The following CROCC2 variants were observed in gnomAD, a reference collection of about 807,000 sequenced individuals.
The protein encoded by CROCC2 is ciliary rootlet coiled-coil protein 2.
Under a neutral mutation model 177.6 loss-of-function variants are expected in CROCC2, and 163 were observed. The observed-to-expected ratio is 0.92, with a 90% CI of 0.81 to 1.05. The LOEUF (loss-of-function observed/expected upper bound fraction) is 1.05. Among genes scored for constraint, CROCC2 ranks in the 50% least tolerant of loss-of-function variants. The pLI is 0.00. For missense variants in CROCC2, 1,929 were observed against 1,797.8 expected, an observed-to-expected ratio of 1.07 and a Z score of -1.32; for synonymous variants, 904 against 787.3, an observed-to-expected ratio of 1.15 and a Z score of -2.48.
rs1235694579 is a variant in CROCC2, at chr2:240,972,187, G to A, written c.4401+3925G>A. On this transcript the variant is annotated intron_variant, in intron 27 of 31. Transcript: ENST00000690015. The surrounding 1 kb of genome is among the most constrained non-coding windows in gnomAD (Gnocchi z 7.1). ...CCTCGTTTGAAGTTGGGAGTGGAGA[G>A]GAACCCATCAGGGACTTTATGTGTC... Among the ~76,000 whole-genome samples the A allele has an allele frequency of 6.6e-6, 1 of 152,190 alleles. No individual in the cohort carries two copies. Among genetic ancestry groups the A allele is most frequent in the Non-Finnish European group, 1.5e-5 (1 of 68,044 alleles).
At position 240,973,712 on chromosome 2, in the gene CROCC2, C is replaced by T. The variant is rs2059739145; in HGVS notation, c.4401+5450C>T. Among the ~76,000 whole-genome samples the T allele has an allele frequency of 6.6e-6, 1 of 152,232 alleles. No individual in the cohort carries two copies. Among genetic ancestry groups the T allele is most frequent in the Non-Finnish European group, 1.5e-5 (1 of 68,040 alleles). The stretch of plus-strand genomic sequence containing the variant: ...GGGGCCCACAAGGTGGACACTGAGC[C>T]ACAGTCAGACTTGATTACTCTCAGT... On this transcript the variant is annotated intron_variant, in intron 27 of 31. Transcript: ENST00000690015. This position sits in a 1 kb window ranked among gnomAD's most constrained non-coding sequence, Gnocchi z 4.7.
intron 4 of CROCC2, among the ~76,000 whole-genome samples, chr2:240,923,215 G>C (rs10933523): frequency 0.18 from 27,002 of 151,858 alleles, 2,583 homozygotes; most frequent in African/African-American, 0.2. Flanking sequence ...GAGTGGCAAA[G>C]AGAGACAGAG....
intron 20 of CROCC2, among the ~76,000 whole-genome samples, chr2:240,961,813 A>ACACACG (rs1231975443): frequency 0.18 from 4,817 of 27,516 alleles, 827 homozygotes; most frequent in Admixed American, 0.26. Context: ...ACACTCACAT[A>ACACACG]CACTCACACA....
chr2:240,989,557 A>C (rs1022617349), intron 29 of CROCC2, 97 bp from the exon 30 acceptor site: 102 of 1,249,352 alleles, frequency 8.2e-5, no homozygotes, highest in Non-Finnish European at 1.1e-4. Flanking sequence ...AGTGGGGCCC[A>C]CAAGGACAGG....
chr2:240,948,257 G>C (rs545022587), intron 15 of CROCC2, among the ~76,000 whole-genome samples: 26 of 152,050 alleles, frequency 1.7e-4, no homozygotes, highest in Admixed American at 4.6e-4. Context: ...TTCCCTCTGC[G>C]AGCCCTGGCG....
chr2:240,930,914 C>A lies in CROCC2; in HGVS notation c.750-17C>A. 1 of 697,880 alleles carries A rather than the reference C, an allele frequency of 1.4e-6. No homozygotes were observed. Among genetic ancestry groups the A allele is most frequent in the Admixed American group, 2.0e-5 (1 of 49,184 alleles). The allele number at this position is 697,880 out of a possible 1,614,324, so 43.2% of individuals were successfully genotyped here. ...ATGGGTCCTGAGTCCGCCACAGATG[C>A]TGCCCTTGTCTCCCAGGGGCCTCGC... is the stretch of plus-strand genomic sequence containing the variant. On this transcript the variant is annotated splice_polypyrimidine_tract_variant and intron_variant, in intron 6 of 31. Transcript: ENST00000690015.
chr2:240,941,066 A>C (rs1345048057), intron 14 of CROCC2, among the ~76,000 whole-genome samples: 1 of 152,176 alleles, frequency 6.6e-6, no homozygotes, highest in East Asian at 1.9e-4. Flanking sequence ...GAATCAAATC[A>C]AGAATTCAAC....
intron 15 of CROCC2, 58 bp from the exon 16 acceptor site, chr2:240,948,921 G>T: frequency 6.8e-7 from 1 of 1,477,284 alleles, no homozygotes; most frequent in South Asian, 1.2e-5. Context: ...GCTATAGAGA[G>T]CATTTTACAC....
intron 28 of CROCC2, among the ~76,000 whole-genome samples, chr2:240,985,618 T>G (rs1157596611): frequency 1.3e-4 from 7 of 54,560 alleles, no homozygotes; most frequent in African/African-American, 1.5e-4. Context: ...ACCCAGACAC[T>G]CACTCCACAC....
rs1457908272 is a variant in CROCC2 at position 240,934,406 on chromosome 2, G to A, written c.1722G>A (p.Leu574=). ...AGCTGGCATCGGTCCGGGAGGCACT[G>A]AGCACAGCACAGCTGCAGCGGGATG... is the stretch of plus-strand genomic sequence containing the variant. The part of the protein sequence containing the change: ...REELASVREA[L]STAQLQRDVV... Residue 574 remains leucine, a synonymous_variant, in exon 12 of 32, where the codon CTG becomes CTA. Coordinates refer to ENST00000690015, the MANE Select transcript of CROCC2 (RefSeq NM_001351305.2). 1 of 1,548,748 alleles carries A rather than the reference G, an allele frequency of 6.5e-7. No individual in the cohort carries two copies. Among genetic ancestry groups the A allele is most frequent in the Non-Finnish European group, 8.7e-7 (1 of 1,146,914 alleles).
intron 5 of CROCC2, among the ~76,000 whole-genome samples, chr2:240,927,252 G>A (rs917967407): frequency 3.3e-5 from 5 of 152,144 alleles, no homozygotes; most frequent in South Asian, 2.1e-4. Context: ...TTGTTGTGTC[G>A]TGTCCCTGTG....
intron 18 of CROCC2, chr2:240,950,908 C>CATTCACCCATCCATCCATTT (rs2059551042): frequency 1.7e-5 from 2 of 115,372 alleles, no homozygotes; most frequent in African/African-American, 6.9e-5. Flanking sequence ...TCCATCCATC[C>CATTCACCCATCCATCCATTT]ATCCAGCCAT....
At chr2:240,984,163 A>G (rs924083251) in intron 28 of CROCC2, among the ~76,000 whole-genome samples, 4 of 152,078 alleles carry the variant, frequency 2.6e-5, no homozygotes, top group African/African-American at 9.7e-5. Context: ...AGGTCAGACA[A>G]ACGTAGACCA....
rs1049676634 is a variant in CROCC2 at position 240,930,223 on chromosome 2, G to A, written c.703G>A (p.Val235Met). ...CCTCCTCCTCCTGTGGAGACAGGCC[G>A]TGGTGCTGGGGACAGACCTGGCCGA... Reference protein sequence around the residue: ...RDLLLLWRQAVVLGTDLAELR... With the variant: ...RDLLLLWRQAMVLGTDLAELR... Residue 235 changes from valine (V) to methionine (M), a missense_variant, in exon 6 of 32, where the codon GTG becomes ATG. Transcript: ENST00000690015. 11 of 599,892 alleles carry A rather than the reference G, an allele frequency of 1.8e-5. No individual in the cohort carries two copies. Among genetic ancestry groups the A allele is most frequent in the Middle Eastern group, 2.6e-4 (1 of 3,858 alleles). The allele number at this position is 599,892 out of a possible 1,614,324, so 37.2% of individuals were successfully genotyped here. A position where few individuals can be genotyped will look rare whatever the true frequency, so the allele number is the denominator to read the frequency against.
In CROCC2 at chr2:240,973,356, C is replaced by T. The variant is rs941204752; in HGVS notation, c.4401+5094C>T. Among the ~76,000 whole-genome samples, 14 of 152,188 alleles carry T rather than the reference C, an allele frequency of 9.2e-5. No individual in the cohort carries two copies. Among genetic ancestry groups the T allele is most frequent in the African/African-American group, 3.4e-4 (14 of 41,536 alleles). ...CAGCAGCAGTGCCCAAGTAGCTGGCCAGGTCTCTGAGCAGGCGGGAGGCCT... is the reference window on the plus strand; with the variant it reads ...CAGCAGCAGTGCCCAAGTAGCTGGCTAGGTCTCTGAGCAGGCGGGAGGCCT... On this transcript the variant is annotated intron_variant, in intron 27 of 31. Transcript: ENST00000690015. This position sits in a 1 kb window ranked among gnomAD's most constrained non-coding sequence, Gnocchi z 4.7.
chr2:240,993,020 TC>T, intron 31 of CROCC2, 45 bp from the exon 32 acceptor site: 1 of 714,570 alleles, frequency 1.4e-6, no homozygotes. Context: ...CCCCCATGTG[TC>T]CCCGGGAATG....
At position 240,960,928 on chromosome 2, in the gene CROCC2, AG is replaced by A. The variant is rs1433251249; in HGVS notation, c.3087+1489del. 1.8e-4 allele frequency among the ~76,000 whole-genome samples: 1 copy of A among 5,482 alleles called. No individual in the cohort carries two copies. The highest frequency in any genetic ancestry group is 7.3e-4 in the African/African-American group (1 of 1,372). The allele number at this position is 5,482 out of a possible 152,430, so 3.6% of individuals were successfully genotyped here. A position where few individuals can be genotyped will look rare whatever the true frequency, so the allele number is the denominator to read the frequency against. On this transcript the variant is annotated intron_variant, in intron 20 of 31. Transcript: ENST00000690015. The surrounding 1 kb of genome is among the most constrained non-coding windows in gnomAD (Gnocchi z 5.0). ...AACTGGGGGCAGCAGGGGGAGGGGGAGGGGGAGGTGTGGAGAGGGTGGGGGT... is the reference window on the plus strand; with the variant it reads ...AACTGGGGGCAGCAGGGGGAGGGGGAGGGGAGGTGTGGAGAGGGTGGGGGT...
chr2:240,912,909 C>G (rs12469764), intron 1 of CROCC2, among the ~76,000 whole-genome samples: 57,812 of 152,090 alleles, frequency 0.38, 11,547 homozygotes, highest in Admixed American at 0.47. Flanking sequence ...AGGGTCCCCA[C>G]CACGGGACAG....
rs543617771 is a variant in CROCC2, at chr2:240,906,372, C to T, written c.-142C>T. On this transcript the variant is annotated 5_prime_UTR_variant, in exon 1 of 32. Coordinates refer to ENST00000690015, the MANE Select transcript of CROCC2 (RefSeq NM_001351305.2). ...CCCACAGGGCAAGAGCAACTGGGTG[C>T]CCAGGCTCGGGACACAAGACTGCAG... 6 of 397,382 alleles carry T rather than the reference C, an allele frequency of 1.5e-5. No homozygotes were observed. The South Asian group carries it at 8.3e-4, about 55-fold the overall frequency. 24.6% of individuals were successfully genotyped at this position (397,382 alleles called of 1,614,324 possible).
Sources: gnomAD v4.1 joint callset for allele counts (sites outside exome capture counted in the v4.1 genomes callset) on GRCh38, gnomAD v4.1.1 for gene constraint, Gnocchi (gnomAD v3.1) non-coding constraint, MANE v1.5 for transcripts, NCBI Gene and HGNC (gene_info 2026-07-23, HGNC 2026-07-21) for gene names.